The following TBC1D32 variants were observed in gnomAD, a reference collection of about 807,000 sequenced individuals.
The protein encoded by TBC1D32 is TBC1 domain family member 32.
A neutral mutation model predicts 170.3 loss-of-function variants in TBC1D32; 151 were observed. The ratio of observed to expected loss-of-function variants is 0.89; its 90% CI spans 0.78 to 1.01. The LOEUF (loss-of-function observed/expected upper bound fraction) is 1.01. TBC1D32 is among the 50% of genes least tolerant of loss of function. TBC1D32 has a pLI of 0.00. For missense variants in TBC1D32, 1,464 were observed against 1,457.1 expected, an observed-to-expected ratio of 1.00 and a Z score of -0.08; for synonymous variants, 498 against 488.0, an observed-to-expected ratio of 1.02 and a Z score of -0.27.
Position 121,112,311 on chromosome 6 carries a change from T to C in TBC1D32, c.3324+194A>G, listed in dbSNP as rs573451448. The C allele has an allele frequency of 2.7e-4, 108 of 407,132 alleles. 1 individual carries two copies. Among genetic ancestry groups the C allele is most frequent in the African/African-American group, 1.8e-3 (88 of 48,794 alleles). 25.2% of individuals were successfully genotyped at this position (407,132 alleles called of 1,614,324 possible). Reference sequence around the variant, plus strand: ...TCTAATATAAATCATTCAGTTACTATTAGGTAAGACACCAAGTATTTGAGA... The same window carrying C: ...TCTAATATAAATCATTCAGTTACTACTAGGTAAGACACCAAGTATTTGAGA... On this transcript the variant is annotated intron_variant, in intron 29 of 31. Coordinates refer to ENST00000398212, the MANE Select transcript of TBC1D32 (RefSeq NM_152730.6).
intron 1 of TBC1D32, among the ~76,000 whole-genome samples, chr6:121,328,954 A>G (rs186077632): frequency 4.6e-5 from 7 of 152,338 alleles, no homozygotes; most frequent in Non-Finnish European, 8.8e-5. Context: ...TTTACAAAAT[A>G]TTCTTCAAAG....
intron 24 of TBC1D32, among the ~76,000 whole-genome samples, chr6:121,158,941 G>A (rs1257296951): frequency 6.6e-6 from 1 of 152,038 alleles, no homozygotes; most frequent in Non-Finnish European, 1.5e-5. Flanking sequence ...TTATGGCTGG[G>A]CTTACATGTT....
chr6:121,178,826 C>G (rs1280816588), intron 22 of TBC1D32, among the ~76,000 whole-genome samples: 1 of 152,130 alleles, frequency 6.6e-6, no homozygotes, highest in Non-Finnish European at 1.5e-5. Context: ...CTTTAGCTAG[C>G]AAGAAAATAA....
At chr6:121,188,520 T>TC (rs1298743579) in intron 22 of TBC1D32, among the ~76,000 whole-genome samples, 2 of 152,010 alleles carry the variant, frequency 1.3e-5, no homozygotes, top group African/African-American at 4.8e-5. Context: ...GAAATCTAAG[T>TC]CCTAAGCTTC....
chr6:121,154,726 A>C (rs1391132578), intron 24 of TBC1D32, among the ~76,000 whole-genome samples: 1 of 152,216 alleles, frequency 6.6e-6, no homozygotes, highest in Non-Finnish European at 1.5e-5. Flanking sequence ...CTGCACAGCA[A>C]AAGTAATTAC....
chr6:121,133,690 T>G (rs1382622721), intron 24 of TBC1D32, among the ~76,000 whole-genome samples: 1 of 152,040 alleles, frequency 6.6e-6, no homozygotes, highest in Non-Finnish European at 1.5e-5. Context: ...TACAAACACA[T>G]GAATACACAG....
At chr6:121,139,479 C>T (rs905192187) in intron 24 of TBC1D32, among the ~76,000 whole-genome samples, 4 of 152,030 alleles carry the variant, frequency 2.6e-5, no homozygotes, top group Non-Finnish European at 5.9e-5. Flanking sequence ...GAGACATGAA[C>T]GGAGACTTAA....
intron 21 of TBC1D32, among the ~76,000 whole-genome samples, chr6:121,208,946 C>T (rs1057164084): frequency 6.6e-6 from 1 of 151,954 alleles, no homozygotes; most frequent in Non-Finnish European, 1.5e-5. Flanking sequence ...GTGAAGATAT[C>T]CCCATAGAAT....
At chr6:121,279,086 C>G (rs1307210855) in intron 15 of TBC1D32, 35 bp downstream of exon 15, 2 of 1,568,158 alleles carry the variant, frequency 1.3e-6, no homozygotes, top group African/African-American at 2.8e-5. Flanking sequence ...CAAACTATAC[C>G]TGGAATAATT....
chr6:121,323,799 G>A (rs1035468321), intron 1 of TBC1D32, among the ~76,000 whole-genome samples: 1 of 152,114 alleles, frequency 6.6e-6, no homozygotes, highest in Non-Finnish European at 1.5e-5. Context: ...AATTAGCTGG[G>A]CGTGGTGGCA....
chr6:121,158,793 G>C (rs1001169978), intron 24 of TBC1D32, among the ~76,000 whole-genome samples: 1 of 152,186 alleles, frequency 6.6e-6, no homozygotes, highest in African/African-American at 2.4e-5. Context: ...CCAGTAGGTA[G>C]AGTTTAAGAG....
chr6:121,279,375 T>C (rs1802676181), intron 14 of TBC1D32, 130 bp from the exon 15 acceptor site: 8 of 1,089,576 alleles, frequency 7.3e-6, no homozygotes, highest in Non-Finnish European at 1.0e-5. Context: ...CTTAATGATT[T>C]GTTTGGCTGT....
rs1798994486 is a variant in TBC1D32 at position 121,256,238 on chromosome 6, T to C, written c.1781A>G (p.Asp594Gly). ...TCCAGAAAATATAGAAATATCTTCA[T>C]CGAGAAGTTTTTTCGAAAACTGGGC... is the stretch of plus-strand genomic sequence containing the variant. ...IIAQFSKKLL[D>G]EDISIFSGSE... Residue 594 changes from aspartate to glycine, a missense_variant, in exon 16 of 32, where the codon GAT becomes GGT. Asp to Gly is a moderately conservative substitution (Grantham distance 94). Transcript: ENST00000398212. 1 of 1,613,650 alleles carries C rather than the reference T, an allele frequency of 6.2e-7. No individual in the cohort carries two copies. The highest frequency in any genetic ancestry group is 8.5e-7 in the Non-Finnish European group (1 of 1,179,902).
rs554983243 is a variant in TBC1D32 at position 121,202,018 on chromosome 6, G to C, written c.2570+3057C>G. 2.1e-4 allele frequency among the ~76,000 whole-genome samples: 31 copies of C among 151,160 alleles called. 1 individual carries two copies. Among genetic ancestry groups the C allele is most frequent in the African/African-American group, 6.9e-4 (28 of 40,626 alleles). ...AGAAGGAGGTTTGGGAGACCCAAGAGTTCAATTTTCAACATGTTTAAGTGA... is the reference window on the plus strand; with the variant it reads ...AGAAGGAGGTTTGGGAGACCCAAGACTTCAATTTTCAACATGTTTAAGTGA... On this transcript the variant is annotated intron_variant, in intron 22 of 31. Coordinates refer to ENST00000398212, the MANE Select transcript of TBC1D32 (RefSeq NM_152730.6).
At chr6:121,264,234 G>GA (rs1400469841) in intron 15 of TBC1D32, among the ~76,000 whole-genome samples, 19 of 151,852 alleles carry the variant, frequency 1.3e-4, no homozygotes, top group African/African-American at 4.4e-4. Flanking sequence ...AATAAAAAAT[G>GA]AAAAAAGAGA....
intron 2 of TBC1D32, among the ~76,000 whole-genome samples, chr6:121,320,017 T>G (rs1416523240): frequency 6.6e-6 from 1 of 152,074 alleles, no homozygotes; most frequent in Non-Finnish European, 1.5e-5. Context: ...GAGTAAGTAC[T>G]TCCACTCATT....
intron 15 of TBC1D32, among the ~76,000 whole-genome samples, chr6:121,256,918 C>T (rs1799101887): frequency 6.6e-6 from 1 of 152,000 alleles, no homozygotes; most frequent in East Asian, 1.9e-4. Flanking sequence ...GTGATAAACC[C>T]GCCTCAGCCT....
At chr6:121,290,231 A>G (rs1804616133) in intron 12 of TBC1D32, among the ~76,000 whole-genome samples, 1 of 152,220 alleles carries the variant, frequency 6.6e-6, no homozygotes, top group Non-Finnish European at 1.5e-5. Context: ...AATGGGAGAA[A>G]AGTTTTGCAA....
At chr6:121,242,939 C>T (rs1467113392) in intron 17 of TBC1D32, among the ~76,000 whole-genome samples, 1 of 151,922 alleles carries the variant, frequency 6.6e-6, no homozygotes, top group African/African-American at 2.4e-5. Flanking sequence ...TGTGCTAAAA[C>T]CCATGTTGCA....
Sources: gnomAD v4.1 joint callset for allele counts (sites outside exome capture counted in the v4.1 genomes callset) on GRCh38, gnomAD v4.1.1 for gene constraint, MANE v1.5 for transcripts, NCBI Gene and HGNC (gene_info 2026-07-23, HGNC 2026-07-21) for gene names.